Variants in SMARCB1 observed in about 807,000 individuals in gnomAD.
SMARCB1 encodes the protein SWI/SNF related BAF chromatin remodeling complex subunit B1, also known as SWI/SNF-related matrix-associated actin-dependent regulator of chromatin subfamily B member 1.
Under a neutral mutation model 49.0 loss-of-function variants are expected in SMARCB1, and 5 were observed. The ratio of observed to expected loss-of-function variants is 0.10; its 90% CI spans 0.05 to 0.21. The LOEUF (loss-of-function observed/expected upper bound fraction) is 0.21, where lower values mean the gene tolerates loss of function less well. Ranked by LOEUF, SMARCB1 falls within the 10% of genes least tolerant of loss-of-function variation. The pLI, the probability that SMARCB1 is intolerant of heterozygous loss-of-function variation, is 1.00. For missense variants in SMARCB1, 226 were observed against 509.2 expected (o/e 0.44, Z 5.35); for synonymous variants, 201 against 200.1 (o/e 1.00, Z -0.04).
intron 5 of SMARCB1, among the ~76,000 whole-genome samples, chr22:23,812,131 CTA>C (rs1929905907): frequency 6.6e-6 from 1 of 152,054 alleles, no homozygotes; most frequent in Admixed American, 6.6e-5. Context: ...TGCCCTATAA[CTA>C]TTAAGGAAAC....
chr22:23,808,880 G>T (rs957444437), intron 5 of SMARCB1, among the ~76,000 whole-genome samples: 4 of 151,608 alleles, frequency 2.6e-5, no homozygotes, highest in Admixed American at 6.6e-5. Flanking sequence ...TGTATTTTTA[G>T]TAGAGAGGGG....
chr22:23,798,249 C>T (rs141902150), intron 3 of SMARCB1, among the ~76,000 whole-genome samples: 22 of 152,246 alleles, frequency 1.4e-4, no homozygotes, highest in Non-Finnish European at 1.3e-4. Context: ...GGGTGGGGCT[C>T]AGGAATGTGC....
At chr22:23,815,600 A>T (rs927361051) in intron 5 of SMARCB1, 7 of 152,224 alleles carry the variant, frequency 4.6e-5, no homozygotes, top group African/African-American at 1.4e-4. Flanking sequence ...AAATGAAGAC[A>T]TGTTTATACA....
intron 3 of SMARCB1, among the ~76,000 whole-genome samples, chr22:23,800,658 G>A (rs779693536): frequency 1.1e-4 from 16 of 152,088 alleles, no homozygotes; most frequent in Non-Finnish European, 2.2e-4. Context: ...CCACTTCCCC[G>A]CATCCAGGAA....
At position 23,836,608 on chromosome 22, in the gene SMARCB1, C is replaced by T; in HGVS notation, c.*2428C>T. 8.3e-7 allele frequency: 1 copy of T among 1,200,796 alleles called. No homozygotes were observed. Among genetic ancestry groups the T allele is most frequent in the East Asian group, 3.7e-5 (1 of 27,214 alleles). The allele number at this position is 1,200,796 out of a possible 1,614,324, so 74.4% of individuals were successfully genotyped here. ...AGGCAACCATGGGCAGTTTCTTTGCCCTCTGTGGGCACCCCTATCCTACCA... is the reference window on the plus strand; with the variant it reads ...AGGCAACCATGGGCAGTTTCTTTGCTCTCTGTGGGCACCCCTATCCTACCA... On this transcript the variant is annotated 3_prime_UTR_variant, in exon 9 of 9. Transcript: ENST00000644036.
At position 23,800,891 on chromosome 22, in the gene SMARCB1, G is replaced by C. The variant is rs575750182; in HGVS notation, c.363-53G>C. 156 of 1,323,858 alleles carry C rather than the reference G, an allele frequency of 1.2e-4. 1 individual carries two copies. The highest frequency in any genetic ancestry group is 1.2e-3 in the South Asian group (100 of 85,276). 82.0% of individuals were successfully genotyped at this position (1,323,858 alleles called of 1,614,324 possible). On this transcript the variant is annotated intron_variant, in intron 3 of 8. Coordinates refer to ENST00000644036, the MANE Select transcript of SMARCB1 (RefSeq NM_003073.5). ...CTGGAGCATTAGTTGATTCCTGGTGGGCAGGATCAGGCTCCTATACTGACT... is the reference window on the plus strand; with the variant it reads ...CTGGAGCATTAGTTGATTCCTGGTGCGCAGGATCAGGCTCCTATACTGACT...
chr22:23,834,264 A>G lies in SMARCB1; in HGVS notation c.*84A>G, dbSNP rs1356364977. ...CCATCTTCTGGCAAGGACAGAGGCG[A>G]GGGGACAGCCCAGCGCCATCCTGAG... On this transcript the variant is annotated 3_prime_UTR_variant, in exon 9 of 9. Transcript: ENST00000644036. 1.5e-5 allele frequency: 22 copies of G among 1,428,460 alleles called. No individual in the cohort carries two copies. The highest frequency in any genetic ancestry group is 3.4e-4 in the Middle Eastern group (2 of 5,798). 88.5% of individuals were successfully genotyped at this position (1,428,460 alleles called of 1,614,324 possible). A position where few individuals can be genotyped will look rare whatever the true frequency, so the allele number is the denominator to read the frequency against.
chr22:23,825,522 C>T (rs766234454), intron 7 of SMARCB1, 107 bp downstream of exon 7: 21 of 975,472 alleles, frequency 2.2e-5, no homozygotes, highest in Non-Finnish European at 2.9e-5. Context: ...TCACGCTTCG[C>T]AGCACAATCT....
In SMARCB1 at chr22:23,834,769, G is replaced by C; in HGVS notation, c.*589G>C. 1 of 1,423,610 alleles carries C rather than the reference G, an allele frequency of 7.0e-7. No individual in the cohort carries two copies. Among genetic ancestry groups the C allele is most frequent in the Non-Finnish European group, 9.2e-7 (1 of 1,087,990 alleles). 88.2% of individuals were successfully genotyped at this position (1,423,610 alleles called of 1,614,324 possible). A position where few individuals can be genotyped will look rare whatever the true frequency, so the allele number is the denominator to read the frequency against. On this transcript the variant is annotated 3_prime_UTR_variant, in exon 9 of 9. Transcript: ENST00000644036. ...CTGAGAAGAGTAGCTGTGAGGCTCAGGGCAAGAGGCTCTCTGCCTTTCAGG... is the reference window on the plus strand; with the variant it reads ...CTGAGAAGAGTAGCTGTGAGGCTCACGGCAAGAGGCTCTCTGCCTTTCAGG...
chr22:23,793,086 C>T (rs1928501411), intron 2 of SMARCB1: 1 of 250,910 alleles, frequency 4.0e-6, no homozygotes, highest in African/African-American at 2.2e-5. Context: ...TCTCTGGGCT[C>T]TTGTTTTAAA....
At chr22:23,790,698 C>G (rs1181717553) in intron 1 of SMARCB1, among the ~76,000 whole-genome samples, 2 of 151,910 alleles carry the variant, frequency 1.3e-5, no homozygotes, top group African/African-American at 4.8e-5. Context: ...CAAAAATTAG[C>G]CGGTTGTGGT....
At chr22:23,797,093 G>A (rs1230056098) in intron 3 of SMARCB1, among the ~76,000 whole-genome samples, 1 of 149,652 alleles carries the variant, frequency 6.7e-6, no homozygotes, top group Non-Finnish European at 1.5e-5. Context: ...CGCCCCCTGG[G>A]GTTCACGCCA....
intron 1 of SMARCB1, among the ~76,000 whole-genome samples, chr22:23,789,420 T>A (rs1254185567): frequency 1.3e-5 from 2 of 152,196 alleles, no homozygotes; most frequent in Non-Finnish European, 2.9e-5. Flanking sequence ...TAGGTGACAC[T>A]TCAAAAGAAA....
chr22:23,791,078 C>T (rs910677023), intron 1 of SMARCB1, among the ~76,000 whole-genome samples: 3 of 152,044 alleles, frequency 2.0e-5, no homozygotes, highest in Admixed American at 1.3e-4. Context: ...AATGTGACTC[C>T]GAAGTGATCA....
Position 23,834,190 on chromosome 22 carries a change from C to A in SMARCB1, c.*10C>A, listed in dbSNP as rs1264741338. The A allele has an allele frequency of 3.8e-6, 6 of 1,584,884 alleles. No individual in the cohort carries two copies. In the African/African-American group the frequency reaches 5.4e-5, roughly 14 times the overall value. ...GGCCCCGGCCTGGTAACCAGCCCAT[C>A]AGCACACGGCTCCCACGGAGCATCT... On this transcript the variant is annotated 3_prime_UTR_variant, in exon 9 of 9. Transcript: ENST00000644036.
At chr22:23,820,749 A>G (rs1470910284) in intron 6 of SMARCB1, among the ~76,000 whole-genome samples, 2 of 152,176 alleles carry the variant, frequency 1.3e-5, no homozygotes, top group Admixed American at 1.3e-4. Flanking sequence ...AGAAGGGACA[A>G]TGGTAGGAGA....
rs34276473 is a variant in SMARCB1 at position 23,787,139 on chromosome 22, C to T, written c.-31C>T. 9.8e-4 allele frequency: 1,452 copies of T among 1,477,654 alleles called. 11 individuals carry two copies. The African/African-American group carries it at 0.017, about 17-fold the overall frequency. 91.5% of individuals were successfully genotyped at this position (1,477,654 alleles called of 1,614,324 possible). A position where few individuals can be genotyped will look rare whatever the true frequency, so the allele number is the denominator to read the frequency against. ...CCCAGCCCTCCTGATCCCTCGCAGCCCGGCTCCGGCCGCCCGCCTCTGCCG... is the reference window on the plus strand; with the variant it reads ...CCCAGCCCTCCTGATCCCTCGCAGCTCGGCTCCGGCCGCCCGCCTCTGCCG... On this transcript the variant is annotated 5_prime_UTR_variant, in exon 1 of 9. Transcript: ENST00000644036.
At position 23,836,114 on chromosome 22, in the gene SMARCB1, C is replaced by T. The variant is rs1226859182; in HGVS notation, c.*1934C>T. 3.0e-6 allele frequency: 3 copies of T among 985,328 alleles called. No individual in the cohort carries two copies. Among genetic ancestry groups the T allele is most frequent in the Non-Finnish European group, 3.6e-6 (3 of 829,968 alleles). 61.0% of individuals were successfully genotyped at this position (985,328 alleles called of 1,614,324 possible). A position where few individuals can be genotyped will look rare whatever the true frequency, so the allele number is the denominator to read the frequency against. On this transcript the variant is annotated 3_prime_UTR_variant, in exon 9 of 9. Coordinates refer to ENST00000644036, the MANE Select transcript of SMARCB1 (RefSeq NM_003073.5). ...GTCGGATAAGGCTCACACACGTCCTCAGCTAAAAAGGGCAGGAACAGAACC... is the reference window on the plus strand; with the variant it reads ...GTCGGATAAGGCTCACACACGTCCTTAGCTAAAAAGGGCAGGAACAGAACC...
At position 23,835,905 on chromosome 22, in the gene SMARCB1, C is replaced by T. The variant is rs532223179; in HGVS notation, c.*1725C>T. 2.8e-4 allele frequency: 277 copies of T among 985,516 alleles called. 4 individuals are homozygous for T. The African/African-American group carries it at 4.4e-3, about 16-fold the overall frequency. The allele number at this position is 985,516 out of a possible 1,614,324, so 61.0% of individuals were successfully genotyped here. A position where few individuals can be genotyped will look rare whatever the true frequency, so the allele number is the denominator to read the frequency against. On this transcript the variant is annotated 3_prime_UTR_variant, in exon 9 of 9. Transcript: ENST00000644036. The stretch of plus-strand genomic sequence containing the variant: ...GCTCACACCGCCGCAAAGCCATCTC[C>T]ACAAGGTCTGGCTACAACACGGAGG...
Sources: gnomAD v4.1 joint callset for allele counts (sites outside exome capture counted in the v4.1 genomes callset) on GRCh38, gnomAD v4.1.1 for gene constraint, MANE v1.5 for transcripts, NCBI Gene and HGNC (gene_info 2026-07-23, HGNC 2026-07-21) for gene names.